The following ACMSD variants were observed in gnomAD, a reference collection of about 807,000 sequenced individuals.
The protein encoded by ACMSD is aminocarboxymuconate semialdehyde decarboxylase.
In ACMSD, 37 loss-of-function variants were observed where a neutral mutation model predicts 45.9. That is an observed-to-expected ratio of 0.81 (90% CI 0.62 to 1.06). The LOEUF is 1.06. Ranked by LOEUF, ACMSD falls within the 50% of genes least tolerant of loss-of-function variation. ACMSD has a pLI of 0.00. For missense variants in ACMSD, 434 were observed against 420.9 expected (o/e 1.03, Z -0.27); for synonymous variants, 138 against 148.8 (o/e 0.93, Z 0.53).
At position 134,901,916 on chromosome 2, in the gene ACMSD, T is replaced by C; in HGVS notation, c.*56T>C. On this transcript the variant is annotated 3_prime_UTR_variant, in exon 10 of 10. Coordinates refer to ENST00000356140, the MANE Select transcript of ACMSD (RefSeq NM_138326.3). ...AGGATATCTCATTTTTGTTTCTAAA[T>C]ATGTATCAACAGGTATCAACAAAAT... The C allele has an allele frequency of 7.1e-7, 1 of 1,404,862 alleles. No homozygotes were observed. The highest frequency in any genetic ancestry group is 9.9e-7 in the Non-Finnish European group (1 of 1,010,250). The allele number at this position is 1,404,862 out of a possible 1,614,324, so 87.0% of individuals were successfully genotyped here. A position where few individuals can be genotyped will look rare whatever the true frequency, so the allele number is the denominator to read the frequency against.
intron 5 of ACMSD, among the ~76,000 whole-genome samples, chr2:134,864,474 C>G (rs1370876123): frequency 6.6e-6 from 1 of 152,042 alleles, no homozygotes; most frequent in Non-Finnish European, 1.5e-5. Flanking sequence ...TTTAATGAAC[C>G]TGAAATTCTG....
chr2:134,893,570 C>T (rs1240406836), intron 8 of ACMSD, among the ~76,000 whole-genome samples: 1 of 152,084 alleles, frequency 6.6e-6, no homozygotes, highest in Non-Finnish European at 1.5e-5. Flanking sequence ...CATTTTCCCC[C>T]TGTCCTCCAT....
In ACMSD at chr2:134,863,767, G is replaced by C. The variant is rs1001617927; in HGVS notation, c.486+136G>C. 22 of 865,304 alleles carry C rather than the reference G, an allele frequency of 2.5e-5. No individual in the cohort carries two copies. The African/African-American group carries it at 3.4e-4, about 13-fold the overall frequency. 53.6% of individuals were successfully genotyped at this position (865,304 alleles called of 1,614,324 possible). A position where few individuals can be genotyped will look rare whatever the true frequency, so the allele number is the denominator to read the frequency against. ...CGGTGTCCACGACTTGTTTGATGTA[G>C]GTAGAAGGTGTGGAAATAGCCCCCG... On this transcript the variant is annotated intron_variant, in intron 5 of 9. Coordinates refer to ENST00000356140, the MANE Select transcript of ACMSD (RefSeq NM_138326.3).
chr2:134,842,132 A>G (rs1266154746), intron 1 of ACMSD, among the ~76,000 whole-genome samples: 2 of 152,188 alleles, frequency 1.3e-5, no homozygotes, highest in African/African-American at 4.8e-5. Flanking sequence ...GACACTGGTT[A>G]TTGTCAGTCA....
At chr2:134,871,762 A>C (rs1688456910) in intron 7 of ACMSD, among the ~76,000 whole-genome samples, 4 of 151,688 alleles carry the variant, frequency 2.6e-5, no homozygotes, top group Admixed American at 2.0e-4. Flanking sequence ...CCTCAACAGC[A>C]TAGAGAAGAC....
At chr2:134,866,764 G>C (rs1243004316) in intron 5 of ACMSD, among the ~76,000 whole-genome samples, 16 of 152,130 alleles carry the variant, frequency 1.1e-4, no homozygotes, top group African/African-American at 3.9e-4. Context: ...TGCCTGTTGA[G>C]GAGACTTCTT....
chr2:134,885,342 TATATATA>T (rs2104929002), intron 8 of ACMSD, among the ~76,000 whole-genome samples: 1 of 105,088 alleles, frequency 9.5e-6, no homozygotes, highest in South Asian at 2.5e-4. Context: ...AATATATATT[TATATATA>T]ATATATATTT....
At chr2:134,850,840 G>T (rs2104828229) in intron 2 of ACMSD, among the ~76,000 whole-genome samples, 1 of 152,230 alleles carries the variant, frequency 6.6e-6, no homozygotes, top group Non-Finnish European at 1.5e-5. Flanking sequence ...TTTGTTACCT[G>T]GGTGTATCAA....
chr2:134,886,246 A>ATTATTATTATTATTATTATTTTTTTTTT, intron 8 of ACMSD, among the ~76,000 whole-genome samples: 11 of 115,450 alleles, frequency 9.5e-5, no homozygotes, highest in African/African-American at 1.8e-4. Context: ...TATTATTATT[A>ATTATTATTATTATTATTATTTTTTTTTT]TTTTTTTTTT....
At chr2:134,898,265 A>C (rs539237449) in intron 8 of ACMSD, 76 bp from the exon 9 acceptor site, 6 of 810,422 alleles carry the variant, frequency 7.4e-6, no homozygotes, top group Non-Finnish European at 1.1e-5. Flanking sequence ...AATGTTTGTA[A>C]TAAGTAAACA....
chr2:134,870,420 G>A (rs1040331397), intron 6 of ACMSD, among the ~76,000 whole-genome samples: 2 of 152,148 alleles, frequency 1.3e-5, no homozygotes, highest in African/African-American at 4.8e-5. Context: ...CTCACTGGCA[G>A]GAACTCACCA....
chr2:134,885,062 G>A (rs1291524585), intron 8 of ACMSD, among the ~76,000 whole-genome samples: 1 of 150,282 alleles, frequency 6.7e-6, no homozygotes. Flanking sequence ...CAGGCATGGT[G>A]GTGCACACCT....
At chr2:134,890,011 T>C (rs1266300499) in intron 8 of ACMSD, among the ~76,000 whole-genome samples, 1 of 152,026 alleles carries the variant, frequency 6.6e-6, no homozygotes, top group African/African-American at 2.4e-5. Context: ...ATAATGAATA[T>C]AGAAATAACA....
intron 1 of ACMSD, among the ~76,000 whole-genome samples, chr2:134,839,983 A>G (rs1265031861): frequency 2.0e-5 from 3 of 151,858 alleles, no homozygotes; most frequent in Non-Finnish European, 4.4e-5. Flanking sequence ...CTTACATCTT[A>G]TGGCGCCCAC....
intron 8 of ACMSD, among the ~76,000 whole-genome samples, chr2:134,898,090 TAA>T (rs1485807600): frequency 6.6e-6 from 1 of 151,484 alleles, no homozygotes; most frequent in Non-Finnish European, 1.5e-5. Flanking sequence ...TTCAGTTATT[TAA>T]AAAGAGAGAG....
intron 5 of ACMSD, 100 bp from the exon 6 acceptor site, chr2:134,867,479 C>A (rs533915923): frequency 2.4e-6 from 2 of 844,180 alleles, no homozygotes; most frequent in Non-Finnish European, 4.0e-6. Context: ...TTGTGCAGAC[C>A]AATATAGACT....
intron 1 of ACMSD, 116 bp from the exon 2 acceptor site, chr2:134,845,117 G>A: frequency 7.0e-6 from 7 of 997,686 alleles, no homozygotes; most frequent in Non-Finnish European, 8.0e-6. Context: ...GGGTATGGGG[G>A]AAATGGGAAG....
intron 8 of ACMSD, among the ~76,000 whole-genome samples, chr2:134,889,490 A>G (rs1689654344): frequency 6.6e-6 from 1 of 152,170 alleles, no homozygotes; most frequent in Admixed American, 6.5e-5. Context: ...TTCCACATCC[A>G]CAGATTCAAC....
intron 9 of ACMSD, among the ~76,000 whole-genome samples, chr2:134,899,452 T>C (rs1237198230): frequency 1.1e-4 from 16 of 152,186 alleles, no homozygotes; most frequent in South Asian, 2.1e-4. Context: ...CTTCCTAAAG[T>C]AGGAAGCTGT....
Sources: allele counts gnomAD v4.1 joint callset (sites outside exome capture counted in the v4.1 genomes callset), GRCh38; gene constraint gnomAD v4.1.1; transcripts MANE v1.5; gene names NCBI Gene and HGNC (gene_info 2026-07-23, HGNC 2026-07-21).